POU6F2: variants seen among roughly 807,000 people sequenced by gnomAD.
The protein encoded by POU6F2 is POU class 6 homeobox 2.
Under a neutral mutation model 71.3 loss-of-function variants are expected in POU6F2, and 31 were observed. The observed-to-expected ratio is 0.43, with a 90% CI of 0.33 to 0.59. The LOEUF is 0.59. Ranked by LOEUF, POU6F2 falls within the 20% of genes least tolerant of loss-of-function variation. The probability of loss-of-function intolerance (pLI) is 0.04; values close to 1 mark genes in which losing one functional copy is unlikely to be tolerated. For missense variants in POU6F2, 783 were observed against 856.8 expected, an observed-to-expected ratio of 0.91 and a Z score of 1.07; for synonymous variants, 347 against 355.7, an observed-to-expected ratio of 0.98 and a Z score of 0.27.
At chr7:39,038,646 G>C (rs1249031525) in intron 1 of POU6F2, among the ~76,000 whole-genome samples, 1 of 151,888 alleles carries the variant, frequency 6.6e-6, no homozygotes, top group Admixed American at 6.6e-5. Context: ...ATTCTTTCTT[G>C]TGTATCCCTT....
chr7:39,197,278 C>T (rs867079957), intron 2 of POU6F2, among the ~76,000 whole-genome samples: 1 of 152,208 alleles, frequency 6.6e-6, no homozygotes, highest in Non-Finnish European at 1.5e-5. Context: ...GCATGCAACT[C>T]CTCAAGGGTC....
chr7:39,364,081 A>C (rs1786448225), intron 5 of POU6F2, among the ~76,000 whole-genome samples: 1 of 152,158 alleles, frequency 6.6e-6, no homozygotes, highest in Non-Finnish European at 1.5e-5. Flanking sequence ...TTGATGAAAC[A>C]AATCAGGGAT....
chr7:39,320,683 A>G (rs1451253978), intron 4 of POU6F2, among the ~76,000 whole-genome samples: 2 of 152,232 alleles, frequency 1.3e-5, no homozygotes, highest in Non-Finnish European at 2.9e-5. Flanking sequence ...TGAACCCTCT[A>G]TATACTATGC....
At chr7:38,992,280 C>A (rs993176509) in intron 1 of POU6F2, among the ~76,000 whole-genome samples, 2 of 152,178 alleles carry the variant, frequency 1.3e-5, no homozygotes, top group Admixed American at 1.3e-4. Context: ...TTTTTGCGCT[C>A]TGCTCCTAGC....
rs150169474 is a variant in POU6F2, at chr7:39,154,615, C to T, written c.278-49620C>T. 2.9e-3 allele frequency among the ~76,000 whole-genome samples: 445 copies of T among 152,124 alleles called. 1 individual carries two copies. Among genetic ancestry groups the T allele is most frequent in the African/African-American group, 0.01 (415 of 41,474 alleles). On this transcript the variant is annotated intron_variant, in intron 2 of 9. Coordinates refer to ENST00000518318, the MANE Select transcript of POU6F2 (RefSeq NM_001370959.1). ...AATTAATTGGATTAGAAATTGCAAC[C>T]GCAGGTAGAACCACTTTCTAGGGTT...
At chr7:39,304,720 T>A (rs1785018527) in intron 4 of POU6F2, among the ~76,000 whole-genome samples, 1 of 152,204 alleles carries the variant, frequency 6.6e-6, no homozygotes, top group South Asian at 2.1e-4. Context: ...AGCATTCCTT[T>A]CTATTTGGAA....
Position 39,468,551 on chromosome 7 carries a change from A to G in POU6F2, c.*3865A>G, listed in dbSNP as rs1789128389. 6.6e-6 allele frequency: 1 copy of G among 152,090 alleles called. No individual in the cohort carries two copies. The highest frequency in any genetic ancestry group is 1.5e-5 in the Non-Finnish European group (1 of 68,028). 9.4% of individuals were successfully genotyped at this position (152,090 alleles called of 1,614,324 possible). ...TTTGTGTATTTCTTAACAGCTTCAG[A>G]TCTGTCACTTTTAATTTGTACCATA... On this transcript the variant is annotated 3_prime_UTR_variant, in exon 10 of 10. Transcript: ENST00000518318.
intron 2 of POU6F2, among the ~76,000 whole-genome samples, chr7:39,147,399 G>C (rs1792645662): frequency 6.6e-6 from 1 of 152,198 alleles, no homozygotes; most frequent in African/African-American, 2.4e-5. Flanking sequence ...CGTGTGAGCT[G>C]TTTGGACATG....
chr7:39,073,783 C>A (rs1428729194), intron 1 of POU6F2, among the ~76,000 whole-genome samples: 2 of 152,170 alleles, frequency 1.3e-5, no homozygotes, highest in Non-Finnish European at 2.9e-5. Context: ...CAGTTCCCAG[C>A]GTGTGCTATT....
intron 1 of POU6F2, among the ~76,000 whole-genome samples, chr7:39,049,485 A>C (rs1035046044): frequency 2.0e-5 from 3 of 151,908 alleles, no homozygotes; most frequent in African/African-American, 7.2e-5. Flanking sequence ...TCTTTCTTTC[A>C]TTGATTTCTG....
intron 4 of POU6F2, among the ~76,000 whole-genome samples, chr7:39,213,998 A>G (rs1794193297): frequency 6.6e-6 from 1 of 152,184 alleles, no homozygotes; most frequent in African/African-American, 2.4e-5. Context: ...TAGATGCTGG[A>G]GATCTAATGG....
chr7:39,339,749 C>T lies in POU6F2; in HGVS notation c.706C>T (p.Pro236Ser), dbSNP rs755398780. 6.2e-7 allele frequency: 1 copy of T among 1,601,314 alleles called. No homozygotes were observed. Among genetic ancestry groups the T allele is most frequent in the East Asian group, 2.3e-5 (1 of 44,394 alleles). ...CCCGTCAACCAACCAGCACCCGCAA[C>T]CAGCCCCACAGGCGCCCTCGCAGTC... ...PPPSTNQHPQ[P>S]APQAPSQSQQ... The change falls in exon 5 of 10, where the codon CCA (proline) becomes TCA (serine). Residue 236 changes from proline to serine, a missense_variant. Coordinates refer to ENST00000518318, the MANE Select transcript of POU6F2 (RefSeq NM_001370959.1).
chr7:39,152,953 A>T (rs1792791502), intron 2 of POU6F2, among the ~76,000 whole-genome samples: 1 of 152,148 alleles, frequency 6.6e-6, no homozygotes, highest in Non-Finnish European at 1.5e-5. Context: ...AGAAACGGAG[A>T]TCTTCTGTTC....
chr7:39,310,154 A>G (rs1374127960), intron 4 of POU6F2, among the ~76,000 whole-genome samples: 5 of 152,222 alleles, frequency 3.3e-5, no homozygotes, highest in African/African-American at 4.8e-5. Flanking sequence ...CCACAGTGCA[A>G]TACTTCACAG....
intron 2 of POU6F2, among the ~76,000 whole-genome samples, chr7:39,202,179 G>T (rs1793918754): frequency 6.6e-6 from 1 of 152,156 alleles, no homozygotes; most frequent in Non-Finnish European, 1.5e-5. Context: ...AAGTTGAGGG[G>T]AACAAATGCA....
intron 1 of POU6F2, among the ~76,000 whole-genome samples, chr7:39,015,874 TAG>T (rs1789499222): frequency 2.5e-5 from 2 of 78,452 alleles, no homozygotes; most frequent in East Asian, 5.9e-4. Context: ...ATATTATATA[TAG>T]ATATATATTA....
chr7:39,233,700 C>T (rs1039105780), intron 4 of POU6F2, among the ~76,000 whole-genome samples: 7 of 152,118 alleles, frequency 4.6e-5, no homozygotes, highest in Non-Finnish European at 7.4e-5. Context: ...TTAGCGGACC[C>T]CCAGAGAAAG....
At chr7:39,455,256 C>A (rs985442447) in intron 8 of POU6F2, among the ~76,000 whole-genome samples, 5 of 152,034 alleles carry the variant, frequency 3.3e-5, no homozygotes, top group South Asian at 2.1e-4. Context: ...TTTCTAAACA[C>A]CTAAGCTCTA....
chr7:39,451,417 G>A, intron 7 of POU6F2, 116 bp from the exon 8 acceptor site: 1 of 1,140,530 alleles, frequency 8.8e-7, no homozygotes, highest in Non-Finnish European at 1.2e-6. Flanking sequence ...CTCTTCCTGA[G>A]AAGTATATAT....
Sources: allele counts gnomAD v4.1 joint callset (sites outside exome capture counted in the v4.1 genomes callset), GRCh38; gene constraint gnomAD v4.1.1; transcripts MANE v1.5; gene names NCBI Gene and HGNC (gene_info 2026-07-23, HGNC 2026-07-21).